The following HSD11B1L variants were observed in gnomAD, a reference collection of about 807,000 sequenced individuals.
The protein encoded by HSD11B1L is hydroxysteroid 11-beta-dehydrogenase 1-like protein.
In HSD11B1L, 22 loss-of-function variants were observed where a neutral mutation model predicts 27.0. That is an observed-to-expected ratio of 0.81 (90% CI 0.58 to 1.16). The LOEUF (loss-of-function observed/expected upper bound fraction) is 1.16, where lower values mean the gene tolerates loss of function less well. HSD11B1L is among the 50% of genes most tolerant of loss of function. The pLI, the probability that HSD11B1L is intolerant of heterozygous loss-of-function variation, is 0.00. For synonymous variants in HSD11B1L, 187 were observed against 189.2 expected, an observed-to-expected ratio of 0.99 and a Z score of 0.09; for missense variants, 372 against 401.8, an observed-to-expected ratio of 0.93 and a Z score of 0.63.
intron 1 of HSD11B1L, among the ~76,000 whole-genome samples, chr19:5,682,335 G>A (rs920065574): frequency 6.6e-6 from 1 of 152,148 alleles, no homozygotes; most frequent in African/African-American, 2.4e-5. Flanking sequence ...AGACCAAATC[G>A]GAGATGGAAG....
intron 1 of HSD11B1L, chr19:5,684,462 G>C: frequency 2.4e-6 from 1 of 417,370 alleles, no homozygotes; most frequent in East Asian, 3.9e-5. Context: ...AAGGAACAGC[G>C]AAGGGTCTGT....
chr19:5,688,300 T>A lies in HSD11B1L; in HGVS notation c.*355T>A. 1.1e-6 allele frequency: 1 copy of A among 938,814 alleles called. No individual in the cohort carries two copies. The highest frequency in any genetic ancestry group is 1.6e-6 in the Non-Finnish European group (1 of 639,726). The allele number at this position is 938,814 out of a possible 1,614,324, so 58.2% of individuals were successfully genotyped here. A position where few individuals can be genotyped will look rare whatever the true frequency, so the allele number is the denominator to read the frequency against. Reference sequence around the variant, plus strand: ...CCTCTCCATCTCCTGCCTGCGCCTTTAAGTCCCTGATTTATTCTTTCCATT... The same window carrying A: ...CCTCTCCATCTCCTGCCTGCGCCTTAAAGTCCCTGATTTATTCTTTCCATT... On this transcript the variant is annotated 3_prime_UTR_variant, in exon 8 of 8. Transcript: ENST00000339423.
chr19:5,686,958 C>T lies in HSD11B1L; in HGVS notation c.375C>T (p.Ala125=). 1 of 1,551,632 alleles carries T rather than the reference C, an allele frequency of 6.4e-7. No homozygotes were observed. The highest frequency in any genetic ancestry group is 8.7e-7 in the Non-Finnish European group (1 of 1,148,856). Reference sequence around the variant, plus strand: ...GCGGCGCCCCGGCCGGCACGCGAGCCCGCAGCCCCCAGGCAACTCGCTGGC... The same window carrying T: ...GCGGCGCCCCGGCCGGCACGCGAGCTCGCAGCCCCCAGGCAACTCGCTGGC... ...HIGGAPAGTR[A]RSPQATRWLM... Residue 125 remains alanine, a synonymous_variant, in exon 5 of 8, where the codon GCC becomes GCT. Coordinates refer to ENST00000339423, the MANE Select transcript of HSD11B1L (RefSeq NM_198706.3).
chr19:5,681,762 G>A (rs1056096215), intron 1 of HSD11B1L, among the ~76,000 whole-genome samples: 7 of 148,958 alleles, frequency 4.7e-5, no homozygotes, highest in East Asian at 2.0e-4. Context: ...ACATCTCTCC[G>A]TCCATCATCC....
rs552868043 is a variant in HSD11B1L, at chr19:5,687,954, G to T, written c.*9G>T. ...CGGCCGCGGCAGCCTGAGCACCGGG[G>T]GGTGCCCCTCCAGTCCCAGACGGCA... On this transcript the variant is annotated 3_prime_UTR_variant, in exon 8 of 8. Transcript: ENST00000339423. The surrounding 1 kb of genome is among the most constrained non-coding windows in gnomAD (Gnocchi z 6.6). The T allele has an allele frequency of 1.9e-6, 3 of 1,558,660 alleles. No homozygotes were observed. In the African/African-American group the frequency reaches 4.1e-5, roughly 21 times the overall value.
Position 5,686,476 on chromosome 19 carries a change from G to A in HSD11B1L, c.265G>A (p.Ala89Thr). 2 of 1,588,010 alleles carry A rather than the reference G, an allele frequency of 1.3e-6. No individual in the cohort carries two copies. Among genetic ancestry groups the A allele is most frequent in the Non-Finnish European group, 1.7e-6 (2 of 1,169,126 alleles). The part of the protein sequence containing the change: ...PKVFYIAADM[A>T]SPEAPESVVQ... Reference sequence around the variant, plus strand: ...GGTCTTCTACATCGCGGCGGACATGGCCTCCCCTGAGGCGCCCGAGAGCGT... The same window carrying A: ...GGTCTTCTACATCGCGGCGGACATGACCTCCCCTGAGGCGCCCGAGAGCGT... Residue 89 changes from alanine (A) to threonine (T), a missense_variant, in exon 4 of 8, where the codon GCC (alanine) becomes ACC (threonine). Physicochemically the swap from Ala to Thr is moderately conservative, Grantham distance 58 (BLOSUM62 0). Coordinates refer to ENST00000339423, the MANE Select transcript of HSD11B1L (RefSeq NM_198706.3).
At chr19:5,683,575 A>C (rs931492979) in intron 1 of HSD11B1L, among the ~76,000 whole-genome samples, 22 of 152,068 alleles carry the variant, frequency 1.4e-4, no homozygotes, top group Non-Finnish European at 2.9e-5. Flanking sequence ...CTACAGGGAG[A>C]GAAGGATGGT....
chr19:5,685,336 G>A lies in HSD11B1L; in HGVS notation c.204+217G>A, dbSNP rs763773490. On this transcript the variant is annotated intron_variant, in intron 3 of 7. Transcript: ENST00000339423. The surrounding 1 kb of genome is among the most constrained non-coding windows in gnomAD (Gnocchi z 4.3). The stretch of plus-strand genomic sequence containing the variant: ...CTCACGCTTGTAGTCAGCACTTTGG[G>A]AGGCCGAGGAAAGTGGATCACCTGA... 1 of 702,640 alleles carries A rather than the reference G, an allele frequency of 1.4e-6. No individual in the cohort carries two copies. The highest frequency in any genetic ancestry group is 1.5e-5 in the South Asian group (1 of 67,050). The allele number at this position is 702,640 out of a possible 1,614,324, so 43.5% of individuals were successfully genotyped here. A position where few individuals can be genotyped will look rare whatever the true frequency, so the allele number is the denominator to read the frequency against.
chr19:5,682,811 T>A (rs924543291), intron 1 of HSD11B1L, among the ~76,000 whole-genome samples: 3 of 57,688 alleles, frequency 5.2e-5, no homozygotes, highest in East Asian at 2.8e-4. Context: ...TCCCATTGAC[T>A]TTTTTTTTTT....
chr19:5,684,914 CTGGGGT>C lies in HSD11B1L; in HGVS notation c.73+12_73+17del. 1 of 1,613,440 alleles carries C rather than the reference CTGGGGT, an allele frequency of 6.2e-7. No homozygotes were observed. The highest frequency in any genetic ancestry group is 8.5e-7 in the Non-Finnish European group (1 of 1,179,786). ...TGACAACTTCGACCCAGGTGAGCAC[CTGGGGT>C]TGAGGGAGGGAGAAACCGGGCCAGC... On this transcript the variant is annotated intron_variant, in intron 2 of 7. Coordinates refer to ENST00000339423, the MANE Select transcript of HSD11B1L (RefSeq NM_198706.3).
In HSD11B1L at chr19:5,685,005, G is replaced by A. The variant is rs748248147; in HGVS notation, c.90G>A (p.Ala30=). 9.4e-6 allele frequency: 15 copies of A among 1,598,992 alleles called. No homozygotes were observed. The East Asian group carries it at 1.1e-4, about 12-fold the overall frequency. Residue 30 remains alanine, a synonymous_variant, in exon 3 of 8, where the codon GCG becomes GCA. Transcript: ENST00000339423. This position sits in a 1 kb window ranked among gnomAD's most constrained non-coding sequence, Gnocchi z 4.3. ...TATGGCCAGCCAGCCTCCAGGGAGC[G>A]CGAGTGCTGCTGACAGGGGCCAACG... ...DNFDPASLQG[A]RVLLTGANAG...
chr19:5,683,512 G>T (rs928354725), intron 1 of HSD11B1L, among the ~76,000 whole-genome samples: 5 of 152,184 alleles, frequency 3.3e-5, no homozygotes, highest in African/African-American at 7.2e-5. Flanking sequence ...AGACCCAATA[G>T]GGAACAAAGT....
In HSD11B1L at chr19:5,683,917, A is replaced by T. The variant is rs536161856; in HGVS notation, c.-14-902A>T. 2.5e-5 allele frequency: 8 copies of T among 320,600 alleles called. No homozygotes were observed. In the South Asian group the frequency reaches 1.0e-3, roughly 42 times the overall value. 19.9% of individuals were successfully genotyped at this position (320,600 alleles called of 1,614,324 possible). On this transcript the variant is annotated intron_variant, in intron 1 of 7. Transcript: ENST00000339423. ...TCAAAAATAAAAAAAAATAAAAATA[A>T]AAAAATAAATAATAAAAAAAGGAGG...
chr19:5,686,714 T>G (rs1215959035), intron 4 of HSD11B1L, among the ~76,000 whole-genome samples, 186 bp from the exon 5 acceptor site: 1 of 152,120 alleles, frequency 6.6e-6, no homozygotes, highest in Non-Finnish European at 1.5e-5. Flanking sequence ...GGGGCCTCGT[T>G]GAATGGGAAC....
rs2054671702 is a variant in HSD11B1L at position 5,685,704 on chromosome 19, C to T, written c.204+585C>T. On this transcript the variant is annotated intron_variant, in intron 3 of 7. Transcript: ENST00000339423. The surrounding 1 kb of genome is among the most constrained non-coding windows in gnomAD (Gnocchi z 4.3). ...AGTGAGCTGAGATCGCGCCACTGCA[C>T]TCCAGCCTGGGTGACAGAGCGATAC... 6.4e-6 allele frequency: 1 copy of T among 156,478 alleles called. No individual in the cohort carries two copies. Among genetic ancestry groups the T allele is most frequent in the South Asian group, 1.8e-4 (1 of 5,554 alleles). 9.7% of individuals were successfully genotyped at this position (156,478 alleles called of 1,614,324 possible).
At position 5,688,139 on chromosome 19, in the gene HSD11B1L, C is replaced by T. The variant is rs566920318; in HGVS notation, c.*194C>T. The T allele has an allele frequency of 3.7e-4, 570 of 1,551,146 alleles. 9 individuals are homozygous for T. The South Asian group carries it at 4.9e-3, about 13-fold the overall frequency. On this transcript the variant is annotated 3_prime_UTR_variant, in exon 8 of 8. Coordinates refer to ENST00000339423, the MANE Select transcript of HSD11B1L (RefSeq NM_198706.3). Reference sequence around the variant, plus strand: ...CACGGCTTGGGAGGTGCAGGTGCCCCGTGTTAGGCGCCTTTGTCGGGGACT... The same window carrying T: ...CACGGCTTGGGAGGTGCAGGTGCCCTGTGTTAGGCGCCTTTGTCGGGGACT...
In HSD11B1L at chr19:5,687,928, A is replaced by C. The variant is rs907737457; in HGVS notation, c.844A>C (p.Thr282Pro). 5 of 1,564,164 alleles carry C rather than the reference A, an allele frequency of 3.2e-6. No homozygotes were observed. The highest frequency in any genetic ancestry group is 1.4e-5 in the African/African-American group (1 of 73,416). Reference sequence around the variant, plus strand: ...GTTTATCCGCCAGGAGCTCAACGTCACGGCCGCGGCAGCCTGAGCACCGGG... The same window carrying C: ...GTTTATCCGCCAGGAGCTCAACGTCCCGGCCGCGGCAGCCTGAGCACCGGG... ...AWFIRQELNV[T>P]AAAA The change falls in exon 8 of 8, where the codon ACG becomes CCG. Residue 282 changes from threonine to proline, a missense_variant. Physicochemically the swap from Thr to Pro is conservative, Grantham distance 38 (BLOSUM62 -1). Transcript: ENST00000339423. This position sits in a 1 kb window ranked among gnomAD's most constrained non-coding sequence, Gnocchi z 6.6.
rs578027287 is a variant in HSD11B1L at position 5,687,143 on chromosome 19, C to T, written c.409-139C>T. On this transcript the variant is annotated intron_variant, in intron 5 of 7. Coordinates refer to ENST00000339423, the MANE Select transcript of HSD11B1L (RefSeq NM_198706.3). The surrounding 1 kb of genome is among the most constrained non-coding windows in gnomAD (Gnocchi z 6.6). The stretch of plus-strand genomic sequence containing the variant: ...CTCCTAGCCCAAGCCCCTGCTCCGG[C>T]CTTGACCCCGCCCTCGGACCCGCCT... 2.6e-6 allele frequency: 3 copies of T among 1,160,686 alleles called. No homozygotes were observed. The highest frequency in any genetic ancestry group is 2.9e-5 in the South Asian group (2 of 69,648). 71.9% of individuals were successfully genotyped at this position (1,160,686 alleles called of 1,614,324 possible). A position where few individuals can be genotyped will look rare whatever the true frequency, so the allele number is the denominator to read the frequency against.
chr19:5,686,651 T>G, intron 4 of HSD11B1L, 124 bp downstream of exon 4: 2 of 755,130 alleles, frequency 2.6e-6, no homozygotes, highest in Non-Finnish European at 4.2e-6. Context: ...AAATGGGGAC[T>G]GGGGGCGTGG....
Sources: gnomAD v4.1 joint callset for allele counts (sites outside exome capture counted in the v4.1 genomes callset) on GRCh38, gnomAD v4.1.1 for gene constraint, Gnocchi (gnomAD v3.1) non-coding constraint, MANE v1.5 for transcripts, NCBI Gene and HGNC (gene_info 2026-07-23, HGNC 2026-07-21) for gene names.